PCGF6: variants seen among roughly 807,000 people sequenced by gnomAD.
PCGF6 encodes the protein polycomb group RING finger protein 6.
Under a neutral mutation model 45.5 loss-of-function variants are expected in PCGF6, and 24 were observed. The ratio of observed to expected loss-of-function variants is 0.53; its 90% CI spans 0.38 to 0.74. The LOEUF is 0.74. Among genes scored for constraint, PCGF6 ranks in the 30% least tolerant of loss-of-function variants. PCGF6 has a pLI of 0.00. For missense variants in PCGF6, 356 were observed against 443.2 expected (o/e 0.80, Z 1.77); for synonymous variants, 152 against 162.1 (o/e 0.94, Z 0.47).
intron 9 of PCGF6, among the ~76,000 whole-genome samples, chr10:103,308,914 C>T (rs2093147000): frequency 6.6e-6 from 1 of 151,998 alleles, no homozygotes; most frequent in South Asian, 2.1e-4. Context: ...AAATTAATGG[C>T]TGCTGTTCTG....
intron 7 of PCGF6, among the ~76,000 whole-genome samples, chr10:103,330,914 G>A (rs2093237820): frequency 6.6e-6 from 1 of 152,172 alleles, no homozygotes; most frequent in South Asian, 2.1e-4. Context: ...GGGTGACAGA[G>A]CGAGACTCCA....
At chr10:103,335,182 G>C (rs1483102931) in intron 6 of PCGF6, among the ~76,000 whole-genome samples, 1 of 150,846 alleles carries the variant, frequency 6.6e-6, no homozygotes, top group Non-Finnish European at 1.5e-5. Context: ...TGAGCAGCTG[G>C]GAGTACAGAT....
chr10:103,347,188 G>T, intron 5 of PCGF6, 50 bp downstream of exon 5: 2 of 1,391,412 alleles, frequency 1.4e-6, no homozygotes, highest in Non-Finnish European at 2.0e-6. Flanking sequence ...ATATTTTATT[G>T]TTAGTATTCT....
At chr10:103,328,897 G>A (rs574486054) in intron 7 of PCGF6, among the ~76,000 whole-genome samples, 57 of 146,618 alleles carry the variant, frequency 3.9e-4, no homozygotes, top group Middle Eastern at 3.8e-3. Flanking sequence ...GACTACAGGC[G>A]TGTACCACCA....
intron 6 of PCGF6, among the ~76,000 whole-genome samples, chr10:103,335,861 G>A (rs1408230481): frequency 6.6e-6 from 1 of 152,096 alleles, no homozygotes; most frequent in Non-Finnish European, 1.5e-5. Flanking sequence ...CAGCTACTCG[G>A]GAGGCTGAGG....
intron 6 of PCGF6, among the ~76,000 whole-genome samples, chr10:103,339,607 G>A (rs1338285840): frequency 6.6e-6 from 1 of 150,876 alleles, no homozygotes; most frequent in Admixed American, 6.7e-5. Context: ...TGGCCAACAT[G>A]GTGAAACCCC....
chr10:103,340,007 C>CAAAAAA (rs60211186), intron 6 of PCGF6, among the ~76,000 whole-genome samples: 2 of 60,176 alleles, frequency 3.3e-5, no homozygotes, highest in Non-Finnish European at 5.7e-5. Context: ...ACTAAAAATA[C>CAAAAAA]AAAAAAAAAA....
chr10:103,349,384 G>A (rs553255173), intron 1 of PCGF6, among the ~76,000 whole-genome samples: 2 of 151,106 alleles, frequency 1.3e-5, no homozygotes, highest in African/African-American at 2.4e-5. Flanking sequence ...ATCTCAAAAT[G>A]TCATTGCAAC....
At chr10:103,344,761 G>A (rs1359366624) in intron 6 of PCGF6, among the ~76,000 whole-genome samples, 4 of 151,752 alleles carry the variant, frequency 2.6e-5, no homozygotes, top group African/African-American at 9.7e-5. Context: ...GTAGAGACGG[G>A]GTTTCGCCAT....
At chr10:103,328,702 A>C (rs1231606749) in intron 7 of PCGF6, among the ~76,000 whole-genome samples, 1 of 152,168 alleles carries the variant, frequency 6.6e-6, no homozygotes, top group African/African-American at 2.4e-5. Context: ...TTTGTCTCTA[A>C]GATTATTTGC....
At chr10:103,337,183 C>T (rs976657952) in intron 6 of PCGF6, among the ~76,000 whole-genome samples, 5 of 152,114 alleles carry the variant, frequency 3.3e-5, no homozygotes, top group Admixed American at 6.6e-5. Flanking sequence ...TCTTGTTGGA[C>T]TAAGGCAGCA....
chr10:103,309,579 A>C (rs1422478911), intron 9 of PCGF6, among the ~76,000 whole-genome samples: 6 of 152,150 alleles, frequency 3.9e-5, no homozygotes, highest in African/African-American at 1.2e-4. Context: ...ATTTCTTTAT[A>C]GCAATGTAAG....
In PCGF6 at chr10:103,348,893, T is replaced by C. The variant is rs1263152735; in HGVS notation, c.460+7A>G. The C allele has an allele frequency of 3.5e-5, 56 of 1,607,718 alleles. No individual in the cohort carries two copies. Among genetic ancestry groups the C allele is most frequent in the Non-Finnish European group, 4.8e-5 (56 of 1,175,404 alleles). ...AAATTATTCAGAAATGTGATCGGTATGCTTACAGGTATGAAGACATTCTGT... is the reference window on the plus strand; with the variant it reads ...AAATTATTCAGAAATGTGATCGGTACGCTTACAGGTATGAAGACATTCTGT... On this transcript the variant is annotated splice_region_variant and intron_variant, in intron 2 of 9. Transcript: ENST00000369847.
At chr10:103,307,581 T>C (rs2093142356) in intron 9 of PCGF6, among the ~76,000 whole-genome samples, 1 of 152,206 alleles carries the variant, frequency 6.6e-6, no homozygotes, top group Admixed American at 6.5e-5. Context: ...TAAGTGATCT[T>C]CTCACCTTAG....
At chr10:103,313,273 T>C (rs953581088) in intron 9 of PCGF6, among the ~76,000 whole-genome samples, 2 of 152,088 alleles carry the variant, frequency 1.3e-5, no homozygotes, top group Admixed American at 6.6e-5. Flanking sequence ...ACATAAAATA[T>C]GCTAACACAG....
chr10:103,325,550 G>A (rs1235305801), intron 8 of PCGF6, among the ~76,000 whole-genome samples: 1 of 152,052 alleles, frequency 6.6e-6, no homozygotes, highest in Non-Finnish European at 1.5e-5. Flanking sequence ...GCCTGGCCGA[G>A]CTTGCTTGTT....
intron 5 of PCGF6, among the ~76,000 whole-genome samples, chr10:103,345,546 C>T (rs1475485421): frequency 2.6e-5 from 4 of 151,832 alleles, no homozygotes; most frequent in Admixed American, 6.6e-5. Context: ...AAACTGAGAC[C>T]GCCAGTCGCC....
chr10:103,309,316 C>T (rs533216537), intron 9 of PCGF6, among the ~76,000 whole-genome samples: 5 of 152,046 alleles, frequency 3.3e-5, no homozygotes, highest in Admixed American at 6.6e-5. Flanking sequence ...GATTGGATCA[C>T]GGGGTTGGAT....
intron 9 of PCGF6, among the ~76,000 whole-genome samples, chr10:103,313,384 G>A (rs1234617249): frequency 6.6e-6 from 1 of 152,120 alleles, no homozygotes; most frequent in African/African-American, 2.4e-5. Flanking sequence ...GGCTAACATG[G>A]TGAAACCCTG....
Sources: gnomAD v4.1 joint callset for allele counts (sites outside exome capture counted in the v4.1 genomes callset) on GRCh38, gnomAD v4.1.1 for gene constraint, MANE v1.5 for transcripts, NCBI Gene and HGNC (gene_info 2026-07-23, HGNC 2026-07-21) for gene names.